Variants in PTN observed in about 807,000 individuals in gnomAD.
PTN encodes pleiotrophin, also known as heparin affin regulatory protein.
Under a neutral mutation model 24.1 loss-of-function variants are expected in PTN, and 18 were observed. That is an observed-to-expected ratio of 0.75 (90% CI 0.52 to 1.11). The LOEUF is 1.11. Among genes scored for constraint, PTN ranks in the 50% least tolerant of loss-of-function variants. The pLI is 0.00. For missense variants in PTN, 163 were observed against 198.8 expected, an observed-to-expected ratio of 0.82 and a Z score of 1.08; for synonymous variants, 78 against 68.6, an observed-to-expected ratio of 1.14 and a Z score of -0.67.
chr7:137,256,902 G>GA (rs1438730546), intron 1 of PTN, among the ~76,000 whole-genome samples: 4 of 152,026 alleles, frequency 2.6e-5, no homozygotes, highest in African/African-American at 4.8e-5. Flanking sequence ...CAACAAATAT[G>GA]AAAAAAAGCT....
intron 1 of PTN, among the ~76,000 whole-genome samples, chr7:137,291,814 T>C (rs1347353901): frequency 6.6e-6 from 1 of 152,204 alleles, no homozygotes. Flanking sequence ...CTGAATTGAG[T>C]GTCCCATCTG....
At chr7:137,271,496 T>C (rs1809274567) in intron 1 of PTN, among the ~76,000 whole-genome samples, 1 of 152,166 alleles carries the variant, frequency 6.6e-6, no homozygotes, top group South Asian at 2.1e-4. Flanking sequence ...AACAAATAAA[T>C]CAACCAAAAC....
chr7:137,326,672 T>C (rs1441120160), intron 1 of PTN: 1 of 152,206 alleles, frequency 6.6e-6, no homozygotes. Flanking sequence ...TTTTTCCATC[T>C]TTAAACACAA....
At chr7:137,338,416 G>GAGTA (rs1294161658) in intron 1 of PTN, among the ~76,000 whole-genome samples, 1 of 152,180 alleles carries the variant, frequency 6.6e-6, no homozygotes, top group Non-Finnish European at 1.5e-5. Context: ...AAGGAATCAG[G>GAGTA]AGTTCAATTT....
chr7:137,228,875 G>A (rs1164910311), intron 4 of PTN, among the ~76,000 whole-genome samples: 4 of 151,832 alleles, frequency 2.6e-5, no homozygotes, highest in Non-Finnish European at 5.9e-5. Flanking sequence ...GGGTTAGCAA[G>A]TGAGGGGATA....
intron 1 of PTN, among the ~76,000 whole-genome samples, chr7:137,324,433 A>AAAAAAAAAAAATATATATAT: frequency 2.3e-5 from 2 of 88,762 alleles, no homozygotes; most frequent in African/African-American, 1.4e-4. Context: ...AAAAAAAAAA[A>AAAAAAAAAAAATATATATAT]ATATATATAT....
chr7:137,234,523 A>G (rs1808486183), intron 4 of PTN, among the ~76,000 whole-genome samples: 1 of 152,188 alleles, frequency 6.6e-6, no homozygotes, highest in South Asian at 2.1e-4. Context: ...TCTGTTTTCT[A>G]TCTTTTCACA....
intron 1 of PTN, among the ~76,000 whole-genome samples, chr7:137,309,805 A>G (rs1809950400): frequency 6.6e-6 from 1 of 152,174 alleles, no homozygotes; most frequent in African/African-American, 2.4e-5. Context: ...CCACATCTGC[A>G]ATTGCTTCCT....
At chr7:137,318,603 G>A (rs561100818) in intron 1 of PTN, 4 of 152,194 alleles carry the variant, frequency 2.6e-5, no homozygotes, top group South Asian at 4.1e-4. Context: ...TGTATGCTGC[G>A]AATTAATACG....
At chr7:137,240,853 C>T (rs558893729) in intron 4 of PTN, among the ~76,000 whole-genome samples, 14 of 152,188 alleles carry the variant, frequency 9.2e-5, no homozygotes, top group East Asian at 1.9e-4. Context: ...GCTCTAGAGT[C>T]GACTGCCTTG....
At chr7:137,282,211 G>A (rs1809484534) in intron 1 of PTN, among the ~76,000 whole-genome samples, 1 of 152,208 alleles carries the variant, frequency 6.6e-6, no homozygotes, top group African/African-American at 2.4e-5. Context: ...CTGTGTGGTA[G>A]AAGAGAGCTA....
chr7:137,235,269 C>T (rs1415094482), intron 4 of PTN, among the ~76,000 whole-genome samples: 1 of 152,090 alleles, frequency 6.6e-6, no homozygotes, highest in East Asian at 1.9e-4. Context: ...GAATTAACTG[C>T]CTAGTCATCT....
At chr7:137,334,712 T>TA (rs1468927848) in intron 1 of PTN, among the ~76,000 whole-genome samples, 2 of 148,928 alleles carry the variant, frequency 1.3e-5, no homozygotes, top group Non-Finnish European at 3.0e-5. Context: ...CAAAGGACTA[T>TA]AAATCATGCT....
chr7:137,326,630 C>T (rs992340037), intron 1 of PTN: 4 of 152,176 alleles, frequency 2.6e-5, no homozygotes, highest in Admixed American at 2.0e-4. Context: ...CACACCGTTG[C>T]TTCCACCAGA....
At chr7:137,265,702 G>A (rs1170659802) in intron 1 of PTN, among the ~76,000 whole-genome samples, 1 of 152,222 alleles carries the variant, frequency 6.6e-6, no homozygotes, top group East Asian at 1.9e-4. Flanking sequence ...GACCATCTTA[G>A]TGGAAGGGAG....
At chr7:137,279,418 C>G (rs1333987720) in intron 1 of PTN, among the ~76,000 whole-genome samples, 3 of 152,048 alleles carry the variant, frequency 2.0e-5, no homozygotes, top group African/African-American at 7.2e-5. Context: ...TTAAAATTTT[C>G]TTTTAAATTG....
intron 4 of PTN, chr7:137,236,186 C>A (rs1220702209): frequency 5.7e-6 from 4 of 702,486 alleles, no homozygotes; most frequent in African/African-American, 5.2e-5. Context: ...CACCCAAACA[C>A]TCCTCTCTAC....
chr7:137,236,012 T>C, intron 4 of PTN: 1 of 590,344 alleles, frequency 1.7e-6, no homozygotes, highest in Non-Finnish European at 3.0e-6. Flanking sequence ...ACAGAAAGTT[T>C]AGCTATGAAA....
intron 1 of PTN, among the ~76,000 whole-genome samples, chr7:137,338,802 G>A (rs569878164): frequency 6.6e-6 from 1 of 152,230 alleles, no homozygotes; most frequent in South Asian, 2.1e-4. Flanking sequence ...AAATAGAATT[G>A]TGCCTGAATG....
Sources: allele counts gnomAD v4.1 joint callset (sites outside exome capture counted in the v4.1 genomes callset), GRCh38; gene constraint gnomAD v4.1.1; transcripts MANE v1.5; gene names NCBI Gene and HGNC (gene_info 2026-07-23, HGNC 2026-07-21).